The following OPCML variants were observed in gnomAD, a reference collection of about 807,000 sequenced individuals.
The protein encoded by OPCML is opioid-binding protein/cell adhesion molecule.
A neutral mutation model predicts 37.8 loss-of-function variants in OPCML; 13 were observed. That is an observed-to-expected ratio of 0.34 (90% CI 0.22 to 0.55). The LOEUF (loss-of-function observed/expected upper bound fraction) is 0.55. OPCML is among the 20% of genes least tolerant of loss of function. OPCML has a pLI of 0.91. For missense variants in OPCML, 341 were observed against 435.6 expected, an observed-to-expected ratio of 0.78 and a Z score of 1.93; for synonymous variants, 176 against 168.8, an observed-to-expected ratio of 1.04 and a Z score of -0.33.
chr11:132,600,683 T>C (rs1452415288), intron 3 of OPCML, among the ~76,000 whole-genome samples: 1 of 152,016 alleles, frequency 6.6e-6, no homozygotes, highest in Non-Finnish European at 1.5e-5. Context: ...ATTTATATAA[T>C]GTTAAATGCA....
chr11:133,032,307 C>A (rs1395742856), intron 1 of OPCML, among the ~76,000 whole-genome samples: 1 of 152,106 alleles, frequency 6.6e-6, no homozygotes, highest in African/African-American at 2.4e-5. Context: ...TACATAATGC[C>A]CCAGCCCAGT....
At chr11:132,666,718 C>A (rs1942242300) in intron 2 of OPCML, among the ~76,000 whole-genome samples, 1 of 152,094 alleles carries the variant, frequency 6.6e-6, no homozygotes, top group Admixed American at 6.5e-5. Flanking sequence ...GGCAGGGCAG[C>A]CATGTGGGGT....
chr11:132,722,459 C>T (rs952018014), intron 2 of OPCML, among the ~76,000 whole-genome samples: 2 of 152,060 alleles, frequency 1.3e-5, no homozygotes, highest in Admixed American at 1.3e-4. Context: ...TGAGTTATTG[C>T]AATCAGCTAG....
At chr11:132,711,243 G>A (rs1253889698) in intron 2 of OPCML, among the ~76,000 whole-genome samples, 2 of 152,188 alleles carry the variant, frequency 1.3e-5, no homozygotes. Flanking sequence ...TTCTCCGCAA[G>A]CGAGGACACT....
At chr11:133,273,352 AG>A (rs1336200352) in intron 1 of OPCML, among the ~76,000 whole-genome samples, 1 of 152,090 alleles carries the variant, frequency 6.6e-6, no homozygotes, top group Non-Finnish European at 1.5e-5. Context: ...AGAGCCAGTG[AG>A]GTGCTGGGGG....
chr11:133,424,831 G>A (rs1241563362), intron 1 of OPCML, among the ~76,000 whole-genome samples: 5 of 152,208 alleles, frequency 3.3e-5, no homozygotes, highest in South Asian at 4.2e-4. Flanking sequence ...CATCTGCTGC[G>A]GAGGTAGCAA....
At chr11:132,760,031 A>C (rs946908999) in intron 2 of OPCML, among the ~76,000 whole-genome samples, 1 of 152,164 alleles carries the variant, frequency 6.6e-6, no homozygotes, top group South Asian at 2.1e-4. Flanking sequence ...GAACTTACTT[A>C]TTTCTTCCTT....
intron 3 of OPCML, among the ~76,000 whole-genome samples, chr11:132,539,178 G>A (rs2096349069): frequency 6.6e-6 from 1 of 152,192 alleles, no homozygotes; most frequent in African/African-American, 2.4e-5. Flanking sequence ...AAGTCATCAT[G>A]AGAATCTATG....
intron 3 of OPCML, among the ~76,000 whole-genome samples, chr11:132,653,402 C>T (rs1360147164): frequency 2.0e-5 from 3 of 152,164 alleles, no homozygotes; most frequent in African/African-American, 4.8e-5. Flanking sequence ...CAGCTTCTCC[C>T]GCTTTAGCTC....
In OPCML at chr11:132,647,322, A is replaced by T. The variant is rs190031609; in HGVS notation, c.379+9765T>A. On this transcript the variant is annotated intron_variant, in intron 3 of 7. Transcript: ENST00000524381. ...CACCCTCTGGGGTTAATTGGAAAAT[A>T]GAATCTGATAATGTTTATAAGATGA... 2.6e-5 allele frequency among the ~76,000 whole-genome samples: 4 copies of T among 152,292 alleles called. No homozygotes were observed. The East Asian group carries it at 7.7e-4, about 29-fold the overall frequency.
intron 2 of OPCML, among the ~76,000 whole-genome samples, chr11:132,679,843 G>A (rs1315515041): frequency 6.6e-6 from 1 of 152,202 alleles, no homozygotes; most frequent in African/African-American, 2.4e-5. Flanking sequence ...GTCTTCAGGT[G>A]ATCAAAATTA....
At chr11:132,929,728 A>G (rs1945133108) in intron 2 of OPCML, among the ~76,000 whole-genome samples, 1 of 152,152 alleles carries the variant, frequency 6.6e-6, no homozygotes, top group Non-Finnish European at 1.5e-5. Context: ...ACCAAGTGAG[A>G]TTTATTTCTG....
chr11:132,532,139 T>C (rs2096327265), intron 3 of OPCML, among the ~76,000 whole-genome samples: 1 of 152,198 alleles, frequency 6.6e-6, no homozygotes, highest in Admixed American at 6.5e-5. Flanking sequence ...ATGCTTAGCA[T>C]GTCATCCTCA....
chr11:133,314,848 T>C (rs1943166418), intron 1 of OPCML, among the ~76,000 whole-genome samples: 1 of 152,244 alleles, frequency 6.6e-6, no homozygotes, highest in African/African-American at 2.4e-5. Context: ...GGGCTGTAAT[T>C]TTAGCTTCTA....
At chr11:132,423,362 A>G (rs1442794357) in intron 7 of OPCML, among the ~76,000 whole-genome samples, 1 of 152,234 alleles carries the variant, frequency 6.6e-6, no homozygotes, top group Non-Finnish European at 1.5e-5. Context: ...CAGAGAATGA[A>G]TTTAATCCAC....
At chr11:132,652,322 G>A (rs1941465830) in intron 3 of OPCML, among the ~76,000 whole-genome samples, 1 of 147,720 alleles carries the variant, frequency 6.8e-6, no homozygotes, top group Admixed American at 6.8e-5. Flanking sequence ...TTGCTACAAT[G>A]CAATATCAAT....
At chr11:133,288,778 C>T (rs2155534) in intron 1 of OPCML, among the ~76,000 whole-genome samples, 1 of 151,914 alleles carries the variant, frequency 6.6e-6, no homozygotes, top group Non-Finnish European at 1.5e-5. Flanking sequence ...GCTAGAATTG[C>T]GAGAGACCTC....
intron 1 of OPCML, among the ~76,000 whole-genome samples, chr11:132,953,705 C>T (rs1038866411): frequency 6.6e-6 from 1 of 152,138 alleles, no homozygotes; most frequent in African/African-American, 2.4e-5. Context: ...CCAGAGAACC[C>T]AGAGTGTGGA....
intron 2 of OPCML, among the ~76,000 whole-genome samples, chr11:132,843,826 T>G (rs988207450): frequency 6.6e-6 from 1 of 152,210 alleles, no homozygotes; most frequent in African/African-American, 2.4e-5. Context: ...TGTGATAGTT[T>G]CAGATGTATA....
Sources: allele counts gnomAD v4.1 joint callset (sites outside exome capture counted in the v4.1 genomes callset), GRCh38; gene constraint gnomAD v4.1.1; transcripts MANE v1.5; gene names NCBI Gene and HGNC (gene_info 2026-07-23, HGNC 2026-07-21).